Variants in KAZN observed in about 807,000 individuals in gnomAD.
KAZN encodes kazrin, periplakin interacting protein.
A neutral mutation model predicts 87.4 loss-of-function variants in KAZN; 40 were observed. The observed-to-expected ratio is 0.46, with a 90% CI of 0.36 to 0.60. KAZN has a LOEUF of 0.60. Ranked by LOEUF, KAZN falls within the 20% of genes least tolerant of loss-of-function variation. The probability of loss-of-function intolerance (pLI) is 0.00; values close to 1 mark genes in which losing one functional copy is unlikely to be tolerated. For missense variants in KAZN, 898 were observed against 1,073.9 expected (o/e 0.84, Z 2.29); for synonymous variants, 466 against 458.3 (o/e 1.02, Z -0.22).
At chr1:13,901,146 C>T (rs1639236069) in intron 1 of KAZN, among the ~76,000 whole-genome samples, 1 of 152,120 alleles carries the variant, frequency 6.6e-6, no homozygotes, top group African/African-American at 2.4e-5. Context: ...CACCCCCCGT[C>T]CCCTCCAATC....
At chr1:14,958,910 C>T (rs1392735121) in intron 1 of KAZN, among the ~76,000 whole-genome samples, 8 of 152,030 alleles carry the variant, frequency 5.3e-5, no homozygotes, top group African/African-American at 1.7e-4. Flanking sequence ...GTGAGTGCGG[C>T]GCCTTCGTCT....
intron 2 of KAZN, among the ~76,000 whole-genome samples, chr1:14,537,555 C>G (rs1672573921): frequency 6.6e-6 from 1 of 152,216 alleles, no homozygotes; most frequent in African/African-American, 2.4e-5. Flanking sequence ...TTGATCCCTG[C>G]CACTCATTCT....
At chr1:14,727,406 T>G (rs1643434588) in intron 1 of KAZN, among the ~76,000 whole-genome samples, 1 of 144,208 alleles carries the variant, frequency 6.9e-6, no homozygotes, top group Non-Finnish European at 1.5e-5. Flanking sequence ...AAGTGGAGGA[T>G]GGTTTTGGGG....
At chr1:13,992,074 C>T (rs1639308803) in intron 1 of KAZN, among the ~76,000 whole-genome samples, 2 of 152,168 alleles carry the variant, frequency 1.3e-5, no homozygotes, top group Middle Eastern at 3.2e-3. Flanking sequence ...CATTTAGCAC[C>T]TACAACAACT....
At chr1:14,675,281 T>G (rs1158189188) in intron 1 of KAZN, among the ~76,000 whole-genome samples, 2 of 152,238 alleles carry the variant, frequency 1.3e-5, no homozygotes, top group Non-Finnish European at 2.9e-5. Flanking sequence ...TTGAACTGAC[T>G]GTTGAACTGG....
chr1:15,069,853 C>T (rs1486957628), intron 8 of KAZN, among the ~76,000 whole-genome samples: 4 of 152,178 alleles, frequency 2.6e-5, no homozygotes, highest in African/African-American at 9.7e-5. Flanking sequence ...TACTCAGTGG[C>T]CCGTCTGTGT....
intron 2 of KAZN, among the ~76,000 whole-genome samples, chr1:14,393,011 C>T (rs147087701): frequency 4.1e-4 from 63 of 152,254 alleles, no homozygotes; most frequent in South Asian, 1.5e-3. Context: ...TGAAGTCAAG[C>T]GCAAGGGAAA....
At chr1:15,088,924 C>T (rs1230163209) in intron 8 of KAZN, among the ~76,000 whole-genome samples, 1 of 152,110 alleles carries the variant, frequency 6.6e-6, no homozygotes, top group Admixed American at 6.5e-5. Flanking sequence ...GCCAGCTCCC[C>T]TCACAGCCCT....
At chr1:14,538,829 G>A (rs1318615295) in intron 2 of KAZN, among the ~76,000 whole-genome samples, 1 of 152,088 alleles carries the variant, frequency 6.6e-6, no homozygotes, top group Non-Finnish European at 1.5e-5. Flanking sequence ...CAGAATGATA[G>A]CCCAGATATT....
chr1:14,504,455 C>T (rs1378563815), intron 2 of KAZN, among the ~76,000 whole-genome samples: 3 of 152,186 alleles, frequency 2.0e-5, no homozygotes, highest in Non-Finnish European at 1.5e-5. Context: ...AAAGAAGCTA[C>T]TGAGTAAGCA....
chr1:14,222,251 G>T (rs1421281873), intron 2 of KAZN: 1 of 152,294 alleles, frequency 6.6e-6, no homozygotes, highest in South Asian at 2.1e-4. Context: ...ATTCGTGGGG[G>T]ATTAACCGTC....
intron 2 of KAZN, among the ~76,000 whole-genome samples, chr1:14,365,194 C>T (rs1358333687): frequency 6.6e-6 from 1 of 152,086 alleles, no homozygotes; most frequent in Non-Finnish European, 1.5e-5. Flanking sequence ...CAAGTGCCCG[C>T]CACCATGCCT....
At chr1:14,535,133 C>A (rs544544537) in intron 2 of KAZN, among the ~76,000 whole-genome samples, 49 of 152,286 alleles carry the variant, frequency 3.2e-4, no homozygotes, top group African/African-American at 1.2e-3. Flanking sequence ...TCCTCAGAGT[C>A]CATGAATGTC....
chr1:14,477,996 G>A lies in KAZN; in HGVS notation c.250-120987G>A, dbSNP rs571366752. Among the ~76,000 whole-genome samples the A allele has an allele frequency of 2.6e-3, 392 of 152,300 alleles. 2 individuals carry two copies. The highest frequency in any genetic ancestry group is 9.2e-3 in the African/African-American group (381 of 41,558). On this transcript the variant is annotated intron_variant, in intron 2 of 16. Coordinates refer to the KAZN transcript ENST00000636203. ...GCATGACCAGCCTTGTGTCTCCACA[G>A]CTCACCGCTAGGTGAAAATCACCAA...
chr1:14,656,609 G>T (rs1012936821), intron 1 of KAZN, among the ~76,000 whole-genome samples: 1 of 152,220 alleles, frequency 6.6e-6, no homozygotes, highest in Admixed American at 6.5e-5. Context: ...AAGCACGGCT[G>T]GGGAAGCCTC....
At chr1:14,119,284 C>T (rs1042965443) in intron 1 of KAZN, among the ~76,000 whole-genome samples, 6 of 152,192 alleles carry the variant, frequency 3.9e-5, no homozygotes, top group African/African-American at 4.8e-5. Context: ...CCTTCCCATC[C>T]GTAGACTTTT....
chr1:14,921,616 C>A (rs1183780330), intron 1 of KAZN, among the ~76,000 whole-genome samples: 3 of 152,244 alleles, frequency 2.0e-5, no homozygotes, highest in African/African-American at 4.8e-5. Context: ...CAGTCCCCAC[C>A]AGCCTAATGT....
chr1:15,023,516 A>G (rs1438365570), intron 2 of KAZN, among the ~76,000 whole-genome samples: 1 of 152,046 alleles, frequency 6.6e-6, no homozygotes, highest in Non-Finnish European at 1.5e-5. Context: ...CCAGGAGGCC[A>G]GGGCAGCTTC....
In KAZN at chr1:14,883,318, A is replaced by AAGAAAGAGAG. The variant is rs1266778797; in HGVS notation, c.227-77363_227-77362insAAGAGAGAGA. ...CTCAAAAGAAAGAAAGAAAGAAAGAAAGAGAGAGAGAGAGAGAGAGAGAGA... is the reference window on the plus strand; with the variant it reads ...CTCAAAAGAAAGAAAGAAAGAAAGAAAGAAAGAGAGAGAGAGAGAGAGAGAGAGAGAGAGA... On this transcript the variant is annotated intron_variant, in intron 1 of 14. Coordinates refer to ENST00000376030, the MANE Select transcript of KAZN (RefSeq NM_201628.3). 4.7e-3 allele frequency among the ~76,000 whole-genome samples: 182 copies of AAGAAAGAGAG among 38,600 alleles called. 15 individuals are homozygous for AAGAAAGAGAG. Among genetic ancestry groups the AAGAAAGAGAG allele is most frequent in the African/African-American group, 0.013 (175 of 13,058 alleles). The allele number at this position is 38,600 out of a possible 152,430, so 25.3% of individuals were successfully genotyped here.
Sources: allele counts gnomAD v4.1 joint callset (sites outside exome capture counted in the v4.1 genomes callset), GRCh38; gene constraint gnomAD v4.1.1; transcripts MANE v1.5; gene names NCBI Gene and HGNC (gene_info 2026-07-23, HGNC 2026-07-21).